ANKRD45: variants seen among roughly 807,000 people sequenced by gnomAD.
ANKRD45 encodes the protein ankyrin repeat domain 45, also known as ankyrin repeat domain-containing protein 45.
ANKRD45 carries 21 observed loss-of-function variants against 28.1 expected under a neutral mutation model. That is an observed-to-expected ratio of 0.75 (90% CI 0.53 to 1.08). The LOEUF (loss-of-function observed/expected upper bound fraction) is 1.08. Ranked by LOEUF, ANKRD45 falls within the 50% of genes least tolerant of loss-of-function variation. The pLI is 0.00. For missense variants in ANKRD45, 261 were observed against 308.7 expected (o/e 0.85, Z 1.16); for synonymous variants, 86 against 103.9 (o/e 0.83, Z 1.05).
At chr1:173,653,444 T>A (rs1669338873) in intron 2 of ANKRD45, among the ~76,000 whole-genome samples, 1 of 152,244 alleles carries the variant, frequency 6.6e-6, no homozygotes, top group Non-Finnish European at 1.5e-5. Flanking sequence ...CTAATTTGAT[T>A]GCACTGTGGT....
the ANKRD45 span, among the ~76,000 whole-genome samples, chr1:173,691,317 G>A: frequency 6.6e-6 from 1 of 152,172 alleles, no homozygotes; most frequent in Non-Finnish European, 1.5e-5. Context: ...TCACCCCTGA[G>A]GCCGCCAGAA....
At chr1:173,613,819 G>C (rs968808823) in intron 5 of ANKRD45, among the ~76,000 whole-genome samples, 5 of 152,232 alleles carry the variant, frequency 3.3e-5, no homozygotes, top group African/African-American at 1.2e-4. Context: ...CGGTTTTGTG[G>C]AATAGAAAAG....
chr1:173,618,277 A>G (rs774108081), intron 5 of ANKRD45, among the ~76,000 whole-genome samples: 13 of 152,224 alleles, frequency 8.5e-5, no homozygotes, highest in Non-Finnish European at 1.8e-4. Flanking sequence ...CAGCAAGGGC[A>G]CAGAACTGAG....
At chr1:173,629,384 G>A (rs1668086680) in intron 3 of ANKRD45, among the ~76,000 whole-genome samples, 2 of 152,106 alleles carry the variant, frequency 1.3e-5, no homozygotes, top group African/African-American at 4.8e-5. Flanking sequence ...GTATTTTGAG[G>A]AAACTCAAAG....
At chr1:173,673,222 G>A (rs867220728), upstream of ANKRD45, among the ~76,000 whole-genome samples, 26 of 150,640 alleles carry the variant, frequency 1.7e-4, no homozygotes, top group Middle Eastern at 0.01. Flanking sequence ...GTGATTCTCC[G>A]GCCTCAGCCT....
At chr1:173,622,876 C>A (rs1667765594) in intron 5 of ANKRD45, among the ~76,000 whole-genome samples, 1 of 151,944 alleles carries the variant, frequency 6.6e-6, no homozygotes, top group South Asian at 2.1e-4. Context: ...AGACAACCTA[C>A]AGAAAATTTT....
chr1:173,675,886 G>T, the ANKRD45 span, among the ~76,000 whole-genome samples: 186 of 152,208 alleles, frequency 1.2e-3, 1 homozygote, highest in African/African-American at 4.4e-3. Context: ...TGGAACTTTA[G>T]TCCATAGAAG....
At chr1:173,645,812 C>T (rs11808435) in intron 3 of ANKRD45, among the ~76,000 whole-genome samples, 4,879 of 152,268 alleles carry the variant, frequency 0.032, 117 homozygotes, top group Non-Finnish European at 0.045. Context: ...AAATCCCATC[C>T]ATTCTTCAAG....
intron 5 of ANKRD45, among the ~76,000 whole-genome samples, chr1:173,613,976 C>G (rs1225448910): frequency 6.6e-6 from 1 of 152,156 alleles, no homozygotes; most frequent in Non-Finnish European, 1.5e-5. Context: ...TACCCCCAAC[C>G]CTGTGCTCTC....
intron 2 of ANKRD45, among the ~76,000 whole-genome samples, chr1:173,648,006 G>A (rs1396389031): frequency 2.0e-5 from 3 of 151,804 alleles, no homozygotes; most frequent in Admixed American, 6.6e-5. Context: ...GCGGTGGCAC[G>A]ATCTCGGCTC....
At chr1:173,706,903 G>A in the ANKRD45 span, among the ~76,000 whole-genome samples, 2 of 152,022 alleles carry the variant, frequency 1.3e-5, no homozygotes, top group African/African-American at 4.8e-5. Flanking sequence ...GCACACACTG[G>A]TCACAAATGA....
intron 3 of ANKRD45, among the ~76,000 whole-genome samples, chr1:173,641,769 G>A (rs1668712343): frequency 6.6e-6 from 1 of 152,080 alleles, no homozygotes. Context: ...ATGCTATTGG[G>A]GTCCCATGAG....
At chr1:173,631,033 T>G (rs1668176801) in intron 3 of ANKRD45, among the ~76,000 whole-genome samples, 1 of 151,840 alleles carries the variant, frequency 6.6e-6, no homozygotes, top group Non-Finnish European at 1.5e-5. Flanking sequence ...ATAGAGTGGT[T>G]GAAGAGATAA....
At chr1:173,696,430 A>G in the ANKRD45 span, among the ~76,000 whole-genome samples, 1 of 152,202 alleles carries the variant, frequency 6.6e-6, no homozygotes, top group South Asian at 2.1e-4. Context: ...CCTTTAATCC[A>G]TCTTGAGTAA....
chr1:173,611,718 C>T (rs552374393), intron 5 of ANKRD45, among the ~76,000 whole-genome samples: 19 of 152,020 alleles, frequency 1.2e-4, no homozygotes, highest in African/African-American at 3.6e-4. Context: ...TCTTGGTGAC[C>T]TTGGATTGGC....
At chr1:173,672,244 TTA>T (rs555830472), upstream of ANKRD45, among the ~76,000 whole-genome samples, 40 of 152,328 alleles carry the variant, frequency 2.6e-4, no homozygotes, top group African/African-American at 9.6e-4. Flanking sequence ...GAGTTTTACA[TTA>T]TAGAGAGGAA....
chr1:173,701,513 T>A, the ANKRD45 span, among the ~76,000 whole-genome samples: 1 of 152,212 alleles, frequency 6.6e-6, no homozygotes, highest in African/African-American at 2.4e-5. Flanking sequence ...GTTCATATCC[T>A]TTATAGGGAC....
chr1:173,614,073 G>GACTCACC (rs1667350884), intron 5 of ANKRD45, among the ~76,000 whole-genome samples: 1 of 152,124 alleles, frequency 6.6e-6, no homozygotes, highest in Non-Finnish European at 1.5e-5. Flanking sequence ...GAAGGCAGCA[G>GACTCACC]ACTCGCTAAG....
chr1:173,688,893 C>T, the ANKRD45 span, among the ~76,000 whole-genome samples: 2 of 151,996 alleles, frequency 1.3e-5, no homozygotes, highest in African/African-American at 4.8e-5. Context: ...GTTCTCCCCT[C>T]TCCTTCCCCT....
Sources: allele counts gnomAD v4.1 joint callset (sites outside exome capture counted in the v4.1 genomes callset), GRCh38; gene constraint gnomAD v4.1.1; transcripts MANE v1.5; gene names NCBI Gene and HGNC (gene_info 2026-07-23, HGNC 2026-07-21).